Variants in ADAR observed in about 807,000 individuals in gnomAD.
ADAR encodes the protein adenosine deaminase RNA specific, also known as double-stranded RNA-specific adenosine deaminase.
A neutral mutation model predicts 113.2 loss-of-function variants in ADAR; 41 were observed. That is an observed-to-expected ratio of 0.36 (90% CI 0.28 to 0.47). The LOEUF is 0.47. Ranked by LOEUF, ADAR falls within the 20% of genes least tolerant of loss-of-function variation. ADAR has a pLI of 1.00. For synonymous variants in ADAR, 605 were observed against 572.6 expected, an observed-to-expected ratio of 1.06 and a Z score of -0.81; for missense variants, 1,242 against 1,540.9, an observed-to-expected ratio of 0.81 and a Z score of 3.25.
At chr1:154,627,913 G>GCCCCCCC in exon 1 of ADAR, 2 of 517,172 alleles carry the variant, frequency 3.9e-6, no homozygotes, top group South Asian at 1.4e-5. Flanking sequence ...GTGCGGCCGC[G>GCCCCCCC]ACCCTCCCCC....
Position 154,601,976 on chromosome 1 carries a change from G to A in ADAR, c.666C>T (p.Asn222=). The A allele has an allele frequency of 6.2e-7, 1 of 1,614,178 alleles. No homozygotes were observed. Among genetic ancestry groups the A allele is most frequent in the Non-Finnish European group, 8.5e-7 (1 of 1,180,020 alleles). ...RPDGHSQGAP[N]SDPSLEPEDR... ...CTTCCGGTTCCAAACTCGGGTCTGA[G>A]TTTGGGGCTCCTTGGCTATGACCGT... is the stretch of plus-strand genomic sequence containing the variant. Residue 222 remains asparagine (N), a synonymous_variant, in exon 2 of 15, where the codon AAC becomes AAT. Coordinates refer to ENST00000368474, the MANE Select transcript of ADAR (RefSeq NM_001111.5). The surrounding 1 kb of genome is among the most constrained non-coding windows in gnomAD (Gnocchi z 4.7).
rs922616960 is a variant in ADAR at position 154,606,010 on chromosome 1, A to T, written c.15+1982T>A. The T allele has an allele frequency of 1.2e-5, 11 of 937,844 alleles. No individual in the cohort carries two copies. In the African/African-American group the frequency reaches 2.0e-4, roughly 17 times the overall value. The allele number at this position is 937,844 out of a possible 1,614,324, so 58.1% of individuals were successfully genotyped here. A position where few individuals can be genotyped will look rare whatever the true frequency, so the allele number is the denominator to read the frequency against. On this transcript the variant is annotated intron_variant, in intron 1 of 14. Coordinates refer to ENST00000368474, the MANE Select transcript of ADAR (RefSeq NM_001111.5). Reference sequence around the variant, plus strand: ...TCTATGGAATAGTACTCACACGGTTATTTTTTTTCTTGTGAGACGGAGTCT... The same window carrying T: ...TCTATGGAATAGTACTCACACGGTTTTTTTTTTTCTTGTGAGACGGAGTCT...
At chr1:154,618,444 T>A (rs554917553) in intron 1 of ADAR, among the ~76,000 whole-genome samples, 2 of 152,224 alleles carry the variant, frequency 1.3e-5, no homozygotes, top group South Asian at 4.1e-4. Flanking sequence ...TACTCTAAAG[T>A]TCAGATGCAA....
Position 154,584,857 on chromosome 1 carries a change from G to A in ADAR, c.3630C>T (p.Asn1210=), listed in dbSNP as rs1274990159. The change falls in exon 15 of 15, where the codon AAC becomes AAT. Residue 1210 remains asparagine (N), a synonymous_variant. Transcript: ENST00000368474. ...KKGLKDMGYG[N]WISKPQEEKN... ...TTTCCTCCTGGGGTTTGCTAATCCA[G>A]TTCCCATAGCCCATATCCTTCAGGC... 8.1e-6 allele frequency: 13 copies of A among 1,614,038 alleles called. No individual in the cohort carries two copies. The highest frequency in any genetic ancestry group is 1.0e-5 in the Non-Finnish European group (12 of 1,180,034).
rs775859361 is a variant in ADAR, at chr1:154,589,351, A to G, written c.2762+18T>C. 1.2e-6 allele frequency: 2 copies of G among 1,609,694 alleles called. No individual in the cohort carries two copies. The highest frequency in any genetic ancestry group is 3.3e-5 in the Admixed American group (2 of 60,020). ...CTCCACAGCCGGGCAGCCGGGCCACAGCTCTGACCTCGCTCACCTGATGAA... is the reference window on the plus strand; with the variant it reads ...CTCCACAGCCGGGCAGCCGGGCCACGGCTCTGACCTCGCTCACCTGATGAA... On this transcript the variant is annotated intron_variant, in intron 9 of 14. Transcript: ENST00000368474.
At chr1:154,589,264 C>G (rs1696964429) in intron 9 of ADAR, 105 bp downstream of exon 9, 1 of 885,716 alleles carries the variant, frequency 1.1e-6, no homozygotes, top group African/African-American at 1.6e-5. Context: ...ACATCATGAC[C>G]CGTCTGTCTG....
chr1:154,587,422 T>C (rs1696835346), intron 11 of ADAR, among the ~76,000 whole-genome samples: 1 of 152,336 alleles, frequency 6.6e-6, no homozygotes, highest in East Asian at 1.9e-4. Context: ...TTGTTTCCAC[T>C]TTTTTGGCTC....
In ADAR at chr1:154,596,935, T is replaced by C. The variant is rs1697539238; in HGVS notation, c.2140A>G (p.Arg714Gly). 2 of 1,614,086 alleles carry C rather than the reference T, an allele frequency of 1.2e-6. No individual in the cohort carries two copies. Among genetic ancestry groups the C allele is most frequent in the Non-Finnish European group, 1.7e-6 (2 of 1,180,048 alleles). ...NLESMMPNKVRKIGELVRYLN... is the reference protein window; with the variant it reads ...NLESMMPNKVGKIGELVRYLN... ...TATCTCACGAGCTCGCCAATCTTCC[T>C]GACCTTGTTGGGCATCATGGATTCC... Residue 714 changes from arginine (R) to glycine (G), a missense_variant, in exon 6 of 15, where the codon AGG becomes GGG. Arg to Gly is a moderately radical substitution (Grantham distance 125). This residue lies in a region of ADAR where 780 missense variants were observed against 1,057.9 expected (regional missense o/e 0.74). Transcript: ENST00000368474.
rs1281518094 is a variant in ADAR, at chr1:154,584,067, C to G, written c.*739G>C. The G allele has an allele frequency of 6.6e-6, 1 of 152,272 alleles. No homozygotes were observed. The highest frequency in any genetic ancestry group is 1.9e-4 in the East Asian group (1 of 5,204). 9.4% of individuals were successfully genotyped at this position (152,272 alleles called of 1,614,324 possible). A position where few individuals can be genotyped will look rare whatever the true frequency, so the allele number is the denominator to read the frequency against. ...CTATTGCTTGAGCAGCTCCCTTAAC[C>G]CAGTCTGGCTGGTTCTAGACTTCCC... is the stretch of plus-strand genomic sequence containing the variant. On this transcript the variant is annotated 3_prime_UTR_variant, in exon 15 of 15. Coordinates refer to ENST00000368474, the MANE Select transcript of ADAR (RefSeq NM_001111.5).
rs544033361 is a variant in ADAR, at chr1:154,598,678, G to A, written c.1602-93C>T. The A allele has an allele frequency of 1.5e-5, 19 of 1,302,042 alleles. No individual in the cohort carries two copies. In the Admixed American group the frequency reaches 1.9e-4, roughly 13 times the overall value. 80.7% of individuals were successfully genotyped at this position (1,302,042 alleles called of 1,614,324 possible). ...CCTTCAACCTGGAATTTTCTGCTAC[G>A]CTAAGGGGCTTTTCACTTGTGGAGA... On this transcript the variant is annotated intron_variant, in intron 2 of 14. Transcript: ENST00000368474.
chr1:154,621,212 TTCA>T (rs1299973210), intron 1 of ADAR, among the ~76,000 whole-genome samples: 7 of 152,168 alleles, frequency 4.6e-5, no homozygotes, highest in African/African-American at 1.7e-4. Flanking sequence ...TTACACTATT[TTCA>T]TCAAATATCT....
At chr1:154,612,739 C>T (rs1433915203), upstream of ADAR, among the ~76,000 whole-genome samples, 2 of 152,088 alleles carry the variant, frequency 1.3e-5, no homozygotes, top group African/African-American at 4.8e-5. Context: ...TTTTTGTTAT[C>T]GTTGTTTCTC....
chr1:154,598,774 C>CAGCCAG (rs1482860336), intron 2 of ADAR, among the ~76,000 whole-genome samples, 189 bp from the exon 3 acceptor site: 2 of 152,304 alleles, frequency 1.3e-5, no homozygotes, highest in Admixed American at 6.5e-5. Flanking sequence ...GTAAACAAAG[C>CAGCCAG]AGCCAGTGAC....
At chr1:154,602,681 T>C (rs1697966428) in intron 1 of ADAR, 55 bp from the exon 2 acceptor site, 3 of 1,598,260 alleles carry the variant, frequency 1.9e-6, no homozygotes, top group East Asian at 2.2e-5. Context: ...GTGGTGAACC[T>C]GTGGAGGCCC....
At chr1:154,605,958 A>G in intron 1 of ADAR, 1 of 939,862 alleles carries the variant, frequency 1.1e-6, no homozygotes, top group Non-Finnish European at 1.3e-6. Flanking sequence ...GTCTGTCTAT[A>G]GAAGAATTAA....
At chr1:154,605,700 G>C (rs1698150462) in intron 1 of ADAR, among the ~76,000 whole-genome samples, 1 of 152,110 alleles carries the variant, frequency 6.6e-6, no homozygotes, top group Non-Finnish European at 1.5e-5. Context: ...CACTATGCAA[G>C]CAATCATTTC....
intron 6 of ADAR, 35 bp downstream of exon 6, chr1:154,596,770 G>C: frequency 1.2e-6 from 2 of 1,610,428 alleles, no homozygotes; most frequent in Non-Finnish European, 1.7e-6. Context: ...TCCCCAACTG[G>C]TGACACATGC....
Position 154,584,518 on chromosome 1 carries a change from G to C in ADAR, c.*288C>G, listed in dbSNP as rs1037612545. 1 of 398,112 alleles carries C rather than the reference G, an allele frequency of 2.5e-6. No individual in the cohort carries two copies. Among genetic ancestry groups the C allele is most frequent in the Non-Finnish European group, 4.5e-6 (1 of 221,118 alleles). 24.7% of individuals were successfully genotyped at this position (398,112 alleles called of 1,614,324 possible). On this transcript the variant is annotated 3_prime_UTR_variant, in exon 15 of 15. Coordinates refer to ENST00000368474, the MANE Select transcript of ADAR (RefSeq NM_001111.5). ...CAAAACTTTTAAGAGGAAATGGACC[G>C]CAGGTGCTCAGTGACTATGTATGCT...
chr1:154,607,578 GC>G (rs1223495906), intron 1 of ADAR, among the ~76,000 whole-genome samples: 4 of 152,166 alleles, frequency 2.6e-5, no homozygotes, highest in African/African-American at 9.7e-5. Flanking sequence ...CGATGTGTCT[GC>G]CTTGACATGG....
Sources: gnomAD v4.1 joint callset for allele counts (sites outside exome capture counted in the v4.1 genomes callset) on GRCh38, gnomAD v4.1.1 for gene constraint, gnomAD v4.1.1 regional missense constraint, Gnocchi (gnomAD v3.1) non-coding constraint, MANE v1.5 for transcripts, NCBI Gene and HGNC (gene_info 2026-07-23, HGNC 2026-07-21) for gene names.